Variants in TNKS2 observed in about 807,000 individuals in gnomAD.
The protein encoded by TNKS2 is tankyrase 2, also known as poly [ADP-ribose] polymerase tankyrase-2.
Under a neutral mutation model 137.6 loss-of-function variants are expected in TNKS2, and 72 were observed. The observed-to-expected ratio is 0.52, with a 90% confidence interval of 0.43 to 0.64. The LOEUF is 0.64. Among genes scored for constraint, TNKS2 ranks in the 30% least tolerant of loss-of-function variants. The pLI, the probability that TNKS2 is intolerant of heterozygous loss-of-function variation, is 0.00. For synonymous variants in TNKS2, 516 were observed against 512.1 expected (o/e 1.01, Z -0.10); for missense variants, 1,049 against 1,410.2 (o/e 0.74, Z 4.10).
intron 12 of TNKS2, 117 bp downstream of exon 12, chr10:91,834,141 C>A: frequency 1.3e-6 from 1 of 742,870 alleles, no homozygotes; most frequent in Admixed American, 3.5e-5. Flanking sequence ...TTGTTTATTT[C>A]TTCTTAGGTT....
chr10:91,830,717 A>G (rs1300509706), intron 9 of TNKS2, among the ~76,000 whole-genome samples: 9 of 152,248 alleles, frequency 5.9e-5, no homozygotes, highest in Non-Finnish European at 1.3e-4. Context: ...ATATGTAATA[A>G]TAGATATTAT....
In TNKS2 at chr10:91,823,291, AC is replaced by A. The variant is rs1844959319; in HGVS notation, c.795+930del. Among the ~76,000 whole-genome samples, 5 of 148,302 alleles carry A rather than the reference AC, an allele frequency of 3.4e-5. No individual in the cohort carries two copies. The Admixed American group carries it at 3.4e-4, about 10-fold the overall frequency. On this transcript the variant is annotated intron_variant, in intron 7 of 26. Transcript: ENST00000371627. ...AACAGGTTCCCAAGACTAGCAAGAA[AC>A]TTTTTTTGTTGTTTTTTTGGTTTTT... is the stretch of plus-strand genomic sequence containing the variant.
At chr10:91,803,975 A>G (rs1844251687) in intron 1 of TNKS2, among the ~76,000 whole-genome samples, 1 of 152,178 alleles carries the variant, frequency 6.6e-6, no homozygotes, top group South Asian at 2.1e-4. Flanking sequence ...GTTTCTCTGT[A>G]GGAACTTGAC....
At chr10:91,810,386 AAAC>A (rs890235653) in intron 1 of TNKS2, among the ~76,000 whole-genome samples, 20 of 113,404 alleles carry the variant, frequency 1.8e-4, no homozygotes, top group African/African-American at 2.5e-4. Flanking sequence ...TCAAAAAACA[AAAC>A]AACAACAACA....
intron 1 of TNKS2, among the ~76,000 whole-genome samples, chr10:91,800,443 T>C (rs1844128250): frequency 6.6e-6 from 1 of 152,178 alleles, no homozygotes; most frequent in Non-Finnish European, 1.5e-5. Context: ...TTTGGTGTAT[T>C]AGTGAGTTCA....
intron 5 of TNKS2, 84 bp from the exon 6 acceptor site, chr10:91,819,855 G>C (rs1290125985): frequency 8.9e-7 from 1 of 1,129,430 alleles, no homozygotes; most frequent in Non-Finnish European, 1.2e-6. Flanking sequence ...GGATTTTCTG[G>C]TTTTATATTT....
intron 1 of TNKS2, chr10:91,807,476 C>T (rs1464774671): frequency 1.3e-6 from 2 of 1,584,460 alleles, no homozygotes; most frequent in African/African-American, 2.7e-5. Context: ...GAAGCAAGGC[C>T]TCAGAACCCG....
At chr10:91,855,232 T>C in intron 22 of TNKS2, 106 bp downstream of exon 22, 1 of 731,748 alleles carries the variant, frequency 1.4e-6, no homozygotes, top group Non-Finnish European at 2.3e-6. Flanking sequence ...AATTTTCACC[T>C]ATAAAATCTG....
rs1335416329 is a variant in TNKS2 at position 91,840,659 on chromosome 10, G to T, written c.1626G>T (p.Val542=). 5 of 1,614,084 alleles carry T rather than the reference G, an allele frequency of 3.1e-6. No homozygotes were observed. Among genetic ancestry groups the T allele is most frequent in the Non-Finnish European group, 3.4e-6 (4 of 1,180,008 alleles). The part of the protein sequence containing the change: ...FAAGYNRVSV[V]EYLLQHGADV... ...CTGGGTATAACAGAGTGTCCGTGGT[G>T]GAATATCTGCTACAGCATGGAGCTG... Residue 542 remains valine, a synonymous_variant, in exon 14 of 27, where the codon GTG becomes GTT. Coordinates refer to ENST00000371627, the MANE Select transcript of TNKS2 (RefSeq NM_025235.4).
At chr10:91,809,114 A>G (rs960934305) in intron 1 of TNKS2, among the ~76,000 whole-genome samples, 7 of 152,206 alleles carry the variant, frequency 4.6e-5, no homozygotes, top group African/African-American at 1.7e-4. Context: ...GATTTCTGGG[A>G]TATTATTAAT....
intron 21 of TNKS2, among the ~76,000 whole-genome samples, chr10:91,852,456 A>G (rs1338489538): frequency 6.6e-6 from 1 of 151,728 alleles, no homozygotes; most frequent in Non-Finnish European, 1.5e-5. Context: ...CTTACTCGGG[A>G]GGCCGAGGCA....
chr10:91,804,541 A>G (rs1844265699), intron 1 of TNKS2, among the ~76,000 whole-genome samples: 1 of 152,176 alleles, frequency 6.6e-6, no homozygotes, highest in Non-Finnish European at 1.5e-5. Context: ...GGTTCCTCAT[A>G]AAGAGATCCT....
chr10:91,802,633 T>C (rs562859804), intron 1 of TNKS2, among the ~76,000 whole-genome samples: 1 of 152,362 alleles, frequency 6.6e-6, no homozygotes, highest in African/African-American at 2.4e-5. Flanking sequence ...ACCAAAGATA[T>C]ACTAGCTTTT....
intron 1 of TNKS2, among the ~76,000 whole-genome samples, chr10:91,804,362 C>T (rs1564600722): frequency 6.6e-6 from 1 of 152,210 alleles, no homozygotes; most frequent in Non-Finnish European, 1.5e-5. Flanking sequence ...ACAGATAGGC[C>T]TGCTTTGCTT....
chr10:91,833,142 C>T (rs778807031), intron 11 of TNKS2, among the ~76,000 whole-genome samples: 1 of 152,132 alleles, frequency 6.6e-6, no homozygotes, highest in Non-Finnish European at 1.5e-5. Flanking sequence ...GTAACCAAAA[C>T]TCCTGTAGAG....
At chr10:91,829,234 C>T (rs932455637) in intron 9 of TNKS2, among the ~76,000 whole-genome samples, 1 of 151,436 alleles carries the variant, frequency 6.6e-6, no homozygotes, top group African/African-American at 2.4e-5. Flanking sequence ...AGAAACCTAC[C>T]TATAAAGCAT....
chr10:91,831,208 G>T, intron 11 of TNKS2, 27 bp downstream of exon 11: 1 of 1,587,794 alleles, frequency 6.3e-7, no homozygotes, highest in Non-Finnish European at 8.6e-7. Context: ...GTAATCTTTG[G>T]TAATCCAATG....
chr10:91,847,074 G>A (rs1842396213), intron 18 of TNKS2, among the ~76,000 whole-genome samples: 1 of 152,126 alleles, frequency 6.6e-6, no homozygotes, highest in South Asian at 2.1e-4. Flanking sequence ...TTTACTTAAA[G>A]TCTTTGGCAT....
At chr10:91,806,805 A>C (rs931292357) in intron 1 of TNKS2, among the ~76,000 whole-genome samples, 1 of 152,220 alleles carries the variant, frequency 6.6e-6, no homozygotes, top group African/African-American at 2.4e-5. Context: ...AAATGGTTAC[A>C]TTTAATGTTC....
Sources: allele counts gnomAD v4.1 joint callset (sites outside exome capture counted in the v4.1 genomes callset), GRCh38; gene constraint gnomAD v4.1.1; transcripts MANE v1.5; gene names NCBI Gene and HGNC (gene_info 2026-07-23, HGNC 2026-07-21).